HECW1: variants seen among roughly 807,000 people sequenced by gnomAD.
HECW1 encodes the protein HECT, C2 and WW domain containing E3 ubiquitin protein ligase 1, also known as E3 ubiquitin-protein ligase HECW1.
A neutral mutation model predicts 182.3 loss-of-function variants in HECW1; 61 were observed. That is an observed-to-expected ratio of 0.33 (90% CI 0.27 to 0.41). The LOEUF (loss-of-function observed/expected upper bound fraction) is 0.41. Ranked by LOEUF, HECW1 falls within the 10% of genes least tolerant of loss-of-function variation. HECW1 has a pLI of 1.00. For missense variants in HECW1, 1,739 were observed against 2,108.9 expected (o/e 0.82, Z 3.44); for synonymous variants, 859 against 832.6 (o/e 1.03, Z -0.55).
chr7:43,530,303 C>A (rs901009563), intron 24 of HECW1, among the ~76,000 whole-genome samples: 7 of 151,840 alleles, frequency 4.6e-5, no homozygotes, highest in Non-Finnish European at 7.4e-5. Context: ...ATACAAACTC[C>A]TATTTGAAAC....
At chr7:43,169,239 G>A (rs1031224675) in intron 2 of HECW1, among the ~76,000 whole-genome samples, 3 of 152,240 alleles carry the variant, frequency 2.0e-5, no homozygotes, top group African/African-American at 4.8e-5. Context: ...GATGAGATCC[G>A]GAAGTTCAGG....
chr7:43,146,643 T>C (rs2152639042), intron 2 of HECW1, among the ~76,000 whole-genome samples: 1 of 152,322 alleles, frequency 6.6e-6, no homozygotes, highest in Non-Finnish European at 1.5e-5. Flanking sequence ...GGTTCTTAGA[T>C]GGAATTTCAC....
At chr7:43,315,858 C>T (rs1380330239) in intron 4 of HECW1, among the ~76,000 whole-genome samples, 1 of 152,096 alleles carries the variant, frequency 6.6e-6, no homozygotes, top group Non-Finnish European at 1.5e-5. Flanking sequence ...GATTTTTTCC[C>T]AAGATTTGGT....
chr7:43,350,209 G>C (rs1388292908), intron 5 of HECW1, among the ~76,000 whole-genome samples: 1 of 152,194 alleles, frequency 6.6e-6, no homozygotes, highest in Admixed American at 6.5e-5. Context: ...CTTCTAGCTT[G>C]TAGGGTTTCT....
intron 26 of HECW1, among the ~76,000 whole-genome samples, chr7:43,544,147 A>G (rs1347970023): frequency 6.6e-6 from 1 of 152,262 alleles, no homozygotes; most frequent in Non-Finnish European, 1.5e-5. Context: ...ACAAATTCTC[A>G]AAGTCATAGA....
chr7:43,329,420 A>G (rs1811182437), intron 5 of HECW1, among the ~76,000 whole-genome samples: 1 of 152,010 alleles, frequency 6.6e-6, no homozygotes, highest in African/African-American at 2.4e-5. Flanking sequence ...TAGAGGCTTG[A>G]GACCACCAAG....
chr7:43,428,778 T>C (rs1488228254), intron 8 of HECW1, among the ~76,000 whole-genome samples: 1 of 152,180 alleles, frequency 6.6e-6, no homozygotes, highest in Non-Finnish European at 1.5e-5. Context: ...GTCAGTTACA[T>C]TGCTTATGAT....
intron 8 of HECW1, among the ~76,000 whole-genome samples, chr7:43,430,596 T>A (rs2076514867): frequency 6.6e-6 from 1 of 152,156 alleles, no homozygotes; most frequent in African/African-American, 2.4e-5. Context: ...TTTAAGCCGA[T>A]TTGTCTATAG....
chr7:43,237,840 GCCGCCC>G (rs1798521374), intron 2 of HECW1, among the ~76,000 whole-genome samples: 1 of 144,532 alleles, frequency 6.9e-6, no homozygotes, highest in South Asian at 2.3e-4. Flanking sequence ...TTTCCCCCCC[GCCGCCC>G]CCACTTGGAG....
chr7:43,550,045 G>A (rs1326710596), intron 26 of HECW1, among the ~76,000 whole-genome samples: 1 of 151,998 alleles, frequency 6.6e-6, no homozygotes, highest in African/African-American at 2.4e-5. Flanking sequence ...TTGGAGTTGG[G>A]AGGATCAGTT....
chr7:43,319,601 C>CTTTTTTTTTTTTTTTTTT (rs796502195), intron 4 of HECW1, among the ~76,000 whole-genome samples: 18 of 47,438 alleles, frequency 3.8e-4, no homozygotes, highest in African/African-American at 1.5e-3. Context: ...CTTTTCTTTT[C>CTTTTTTTTTTTTTTTTTT]TTTTTTTTTT....
intron 2 of HECW1, among the ~76,000 whole-genome samples, chr7:43,221,537 GTTTTTTTTTTTTTTTTTTTTTTTTTTTTT>G (rs71008897): frequency 1.2e-4 from 6 of 50,500 alleles, no homozygotes; most frequent in African/African-American, 3.8e-4. Context: ...GAGGAATTAG[GTTTTTTTTTTTTTTTTTTTTTTTTTTTTT>G]TTTTTTTTTT....
chr7:43,474,172 A>G (rs780022321), intron 16 of HECW1, among the ~76,000 whole-genome samples: 37 of 152,338 alleles, frequency 2.4e-4, no homozygotes, highest in East Asian at 5.8e-4. Context: ...TAAATGGGCC[A>G]GGCGCGGTGG....
intron 24 of HECW1, among the ~76,000 whole-genome samples, chr7:43,537,023 A>G (rs1451593576): frequency 6.6e-6 from 1 of 152,204 alleles, no homozygotes; most frequent in East Asian, 1.9e-4. Context: ...AGACGGTAGA[A>G]GCTGCGTTCA....
chr7:43,500,847 C>A, intron 20 of HECW1, 65 bp downstream of exon 20: 1 of 1,348,284 alleles, frequency 7.4e-7, no homozygotes, highest in Non-Finnish European at 1.1e-6. Context: ...CCATCACGGC[C>A]ACCCTGAAAA....
intron 26 of HECW1, among the ~76,000 whole-genome samples, chr7:43,547,421 C>T (rs2081606072): frequency 1.3e-5 from 2 of 152,068 alleles, no homozygotes; most frequent in East Asian, 3.9e-4. Context: ...GTGGCACGTG[C>T]CTGTAATCTC....
intron 24 of HECW1, among the ~76,000 whole-genome samples, chr7:43,514,654 C>T (rs1365724648): frequency 6.6e-6 from 1 of 152,152 alleles, no homozygotes; most frequent in African/African-American, 2.4e-5. Flanking sequence ...ATGAGGCACT[C>T]ATATGCTACT....
chr7:43,537,283 C>T (rs1174514879), intron 24 of HECW1, among the ~76,000 whole-genome samples: 1 of 152,248 alleles, frequency 6.6e-6, no homozygotes, highest in African/African-American at 2.4e-5. Context: ...TTACTTTATC[C>T]TCTGAACTCT....
rs1412552604 is a variant in HECW1, at chr7:43,308,135, ATATAT to A, written c.28-3617_28-3613del. Among the ~76,000 whole-genome samples the A allele has an allele frequency of 1.3e-4, 14 of 104,350 alleles. No individual in the cohort carries two copies. In the East Asian group the frequency reaches 1.4e-3, roughly 10 times the overall value. The allele number at this position is 104,350 out of a possible 152,430, so 68.5% of individuals were successfully genotyped here. On this transcript the variant is annotated intron_variant, in intron 3 of 29. Transcript: ENST00000395891. ...ATAACATATAATATATTTATATATAATATATTATATTATATATTATATATTTATAT... is the reference window on the plus strand; with the variant it reads ...ATAACATATAATATATTTATATATAATATATTATATATTATATATTTATAT...
Sources: allele counts gnomAD v4.1 joint callset (sites outside exome capture counted in the v4.1 genomes callset), GRCh38; gene constraint gnomAD v4.1.1; transcripts MANE v1.5; gene names NCBI Gene and HGNC (gene_info 2026-07-23, HGNC 2026-07-21).